The following KATNAL2 variants were observed in gnomAD, a reference collection of about 807,000 sequenced individuals.
KATNAL2 encodes the protein katanin p60 ATPase-containing subunit A-like 2.
Under a neutral mutation model 76.3 loss-of-function variants are expected in KATNAL2, and 52 were observed. The ratio of observed to expected loss-of-function variants is 0.68; its 90% confidence interval spans 0.55 to 0.86. The LOEUF (loss-of-function observed/expected upper bound fraction) is 0.86. KATNAL2 is among the 40% of genes least tolerant of loss of function. KATNAL2 has a pLI of 0.00. For synonymous variants in KATNAL2, 243 were observed against 244.2 expected, an observed-to-expected ratio of 1.00 and a Z score of 0.05; for missense variants, 660 against 668.9, an observed-to-expected ratio of 0.99 and a Z score of 0.15.
chr18:47,033,495 G>T (rs1382014304), intron 3 of KATNAL2: 3 of 1,614,028 alleles, frequency 1.9e-6, no homozygotes, highest in Middle Eastern at 1.6e-4. Flanking sequence ...TGAAGTCCTG[G>T]AAACAATGAT....
In KATNAL2 at chr18:47,043,245, A is replaced by AAAAAAAAAAAAAAAAAAAAAAGAT. The variant is rs376877321; in HGVS notation, c.52-3212_52-3211insAAAAAAAAAAAAAAAAAAAAAGAT. ...CCGTTTCAAAAAAAAAAAAAAAAAA[A>AAAAAAAAAAAAAAAAAAAAAAGAT]GAGATCCTAAAAGCTTCCTGGGAAG... On this transcript the variant is annotated intron_variant, in intron 3 of 17. Coordinates refer to ENST00000683218, the MANE Select transcript of KATNAL2 (RefSeq NM_001387690.1). 2.1e-5 allele frequency among the ~76,000 whole-genome samples: 2 copies of AAAAAAAAAAAAAAAAAAAAAAGAT among 93,176 alleles called. 1 individual carries two copies. Among genetic ancestry groups the AAAAAAAAAAAAAAAAAAAAAAGAT allele is most frequent in the Non-Finnish European group, 4.2e-5 (2 of 47,346 alleles). 61.1% of individuals were successfully genotyped at this position (93,176 alleles called of 152,430 possible).
chr18:46,961,096 T>A (rs955792139), intron 3 of KATNAL2, among the ~76,000 whole-genome samples: 2 of 152,260 alleles, frequency 1.3e-5, no homozygotes, highest in African/African-American at 4.8e-5. Context: ...TGCTTCCTCA[T>A]ACAATGTCTG....
At chr18:46,955,187 C>CTTTCTTTCTTTCTTTCTTTCTTTCT (rs2059705288) in intron 3 of KATNAL2, among the ~76,000 whole-genome samples, 1 of 16,258 alleles carries the variant, frequency 6.2e-5, no homozygotes, top group African/African-American at 1.7e-4. Flanking sequence ...TCTTTCTTTC[C>CTTTCTTTCTTTCTTTCTTTCTTTCT]TCTCTCTTTT....
At chr18:47,054,250 A>G in intron 5 of KATNAL2, 146 bp from the exon 6 acceptor site, 1 of 692,670 alleles carries the variant, frequency 1.4e-6, no homozygotes, top group East Asian at 2.6e-5. Context: ...TTCTCTCTAG[A>G]TGAGAATAGC....
intron 3 of KATNAL2, chr18:47,035,578 G>A: frequency 1.8e-6 from 1 of 563,410 alleles, no homozygotes; most frequent in Non-Finnish European, 3.2e-6. Context: ...GCCTTATGTA[G>A]CCCATCCCAG....
rs1274960742 is a variant in KATNAL2, at chr18:47,046,450, G to A, written c.52-7G>A. The A allele has an allele frequency of 2.6e-6, 4 of 1,534,360 alleles. No homozygotes were observed. In the African/African-American group the frequency reaches 4.1e-5, roughly 16 times the overall value. On this transcript the variant is annotated splice_region_variant and splice_polypyrimidine_tract_variant and intron_variant, in intron 3 of 17. Coordinates refer to ENST00000683218, the MANE Select transcript of KATNAL2 (RefSeq NM_001387690.1). ...TGTCATCCTACCTAAATTTTCCTCT[G>A]TTCCAGTGCGAGATGAGGACAGAAG...
chr18:46,942,705 T>A (rs1040907441), intron 1 of KATNAL2, among the ~76,000 whole-genome samples: 10 of 152,232 alleles, frequency 6.6e-5, no homozygotes, highest in Non-Finnish European at 2.9e-5. Flanking sequence ...TTTCCTTTCT[T>A]GATTACAATA....
At chr18:47,032,968 C>A (rs760642613) in intron 3 of KATNAL2, 20 of 1,613,350 alleles carry the variant, frequency 1.2e-5, no homozygotes, top group Non-Finnish European at 1.5e-5. Flanking sequence ...ATGCAAAAAT[C>A]CCCCCAGATT....
rs576745573 is a variant in KATNAL2 at position 47,085,078 on chromosome 18, T to G, written c.1211+7617T>G. 2.0e-5 allele frequency among the ~76,000 whole-genome samples: 3 copies of G among 152,204 alleles called. No individual in the cohort carries two copies. In the East Asian group the frequency reaches 5.8e-4, roughly 29 times the overall value. ...AGCTCCCTATGCTGCATTCTTGCTT[T>G]GTGTTTCTTCCTGTGCTGTTACCAG... On this transcript the variant is annotated intron_variant, in intron 15 of 17. Coordinates refer to ENST00000683218, the MANE Select transcript of KATNAL2 (RefSeq NM_001387690.1).
chr18:46,949,509 A>G (rs2059486188), intron 3 of KATNAL2, among the ~76,000 whole-genome samples: 1 of 152,194 alleles, frequency 6.6e-6, no homozygotes, highest in Non-Finnish European at 1.5e-5. Context: ...GGCCTCCCAA[A>G]GTCCTCGGAT....
chr18:47,037,850 A>ATTT (rs5824648), intron 3 of KATNAL2, among the ~76,000 whole-genome samples: 92 of 148,114 alleles, frequency 6.2e-4, no homozygotes, highest in African/African-American at 2.1e-3. Flanking sequence ...TAGGAAAGCC[A>ATTT]TTTTTTTTTT....
chr18:46,952,173 A>T (rs553222054), intron 3 of KATNAL2, among the ~76,000 whole-genome samples: 1 of 152,100 alleles, frequency 6.6e-6, no homozygotes, highest in African/African-American at 2.4e-5. Context: ...CTTGGGCACA[A>T]ATGATCCTCC....
chr18:46,945,550 A>G (rs2059362948), intron 1 of KATNAL2, among the ~76,000 whole-genome samples: 1 of 152,194 alleles, frequency 6.6e-6, no homozygotes, highest in Non-Finnish European at 1.5e-5. Context: ...GAGACTGGAC[A>G]GGAAGGGTGG....
At chr18:47,039,270 G>A (rs977269315) in intron 3 of KATNAL2, among the ~76,000 whole-genome samples, 4 of 151,974 alleles carry the variant, frequency 2.6e-5, no homozygotes, top group African/African-American at 9.7e-5. Context: ...CATTTAAAAT[G>A]TACAATTCCA....
chr18:47,071,419 G>A (rs1004983192), intron 13 of KATNAL2, among the ~76,000 whole-genome samples: 2 of 152,098 alleles, frequency 1.3e-5, no homozygotes, highest in African/African-American at 4.8e-5. Context: ...GGAACAGGGA[G>A]AGGTTCTGGA....
At chr18:47,035,682 G>A (rs2060742272) in intron 3 of KATNAL2, 2 of 315,782 alleles carry the variant, frequency 6.3e-6, no homozygotes, top group Non-Finnish European at 1.2e-5. Context: ...CAGACAATCG[G>A]GACGGTCCAC....
chr18:47,066,854 T>TATATATAG (rs2061817965), intron 10 of KATNAL2, among the ~76,000 whole-genome samples, 167 bp from the exon 11 acceptor site: 1 of 46,980 alleles, frequency 2.1e-5, no homozygotes, highest in East Asian at 8.1e-4. Context: ...TGTTTATATA[T>TATATATAG]ATATATATAT....
chr18:47,095,729 T>C (rs749546363), intron 15 of KATNAL2, among the ~76,000 whole-genome samples: 10 of 152,186 alleles, frequency 6.6e-5, no homozygotes, highest in Non-Finnish European at 1.5e-4. Context: ...ATTCAAAATA[T>C]TGAACAACTG....
rs1568034990 is a variant in KATNAL2, at chr18:47,101,299, G to T, written c.*294G>T. 7 of 280,650 alleles carry T rather than the reference G, an allele frequency of 2.5e-5. No individual in the cohort carries two copies. In the South Asian group the frequency reaches 4.0e-4, roughly 16 times the overall value. The allele number at this position is 280,650 out of a possible 1,614,324, so 17.4% of individuals were successfully genotyped here. ...ATAAAATTTTAATGAACAATTTTCT[G>T]TAATGTTACTCATTTGTAAACTTTT... On this transcript the variant is annotated 3_prime_UTR_variant, in exon 18 of 18. Transcript: ENST00000683218.
Sources: gnomAD v4.1 joint callset for allele counts (sites outside exome capture counted in the v4.1 genomes callset) on GRCh38, gnomAD v4.1.1 for gene constraint, MANE v1.5 for transcripts, NCBI Gene and HGNC (gene_info 2026-07-23, HGNC 2026-07-21) for gene names.